PXK: variants seen among roughly 807,000 people sequenced by gnomAD.
The protein encoded by PXK is PX domain-containing protein kinase-like protein.
Under a neutral mutation model 84.7 loss-of-function variants are expected in PXK, and 35 were observed. The ratio of observed to expected loss-of-function variants is 0.41; its 90% CI spans 0.32 to 0.55. The LOEUF is 0.55. PXK is among the 20% of genes least tolerant of loss of function. The probability of loss-of-function intolerance (pLI) is 0.21; values close to 1 mark genes in which losing one functional copy is unlikely to be tolerated. For synonymous variants in PXK, 253 were observed against 260.8 expected, an observed-to-expected ratio of 0.97 and a Z score of 0.29; for missense variants, 634 against 699.7, an observed-to-expected ratio of 0.91 and a Z score of 1.06.
chr3:58,390,672 C>A lies in PXK; in HGVS notation c.466+13C>A. On this transcript the variant is annotated intron_variant, in intron 5 of 17. Transcript: ENST00000356151. The surrounding 1 kb of genome is among the most constrained non-coding windows in gnomAD (Gnocchi z 4.2). ...TTGAAAGACATAGGTGAGACATTGG[C>A]ACGCTCATTCTGTTAAAAAGACAGA... The A allele has an allele frequency of 6.2e-7, 1 of 1,605,620 alleles. No individual in the cohort carries two copies.
At chr3:58,396,921 T>C in intron 9 of PXK, 118 bp from the exon 10 acceptor site, 1 of 1,094,022 alleles carries the variant, frequency 9.1e-7, no homozygotes, top group Non-Finnish European at 1.3e-6. Flanking sequence ...TCTTCAGGAA[T>C]CTTCTCAGTG....
Position 58,409,083 on chromosome 3 carries a change from T to C in PXK, c.1308+82T>C. 1 of 1,025,678 alleles carries C rather than the reference T, an allele frequency of 9.7e-7. No homozygotes were observed. The highest frequency in any genetic ancestry group is 1.5e-6 in the Non-Finnish European group (1 of 673,466). The allele number at this position is 1,025,678 out of a possible 1,614,324, so 63.5% of individuals were successfully genotyped here. A position where few individuals can be genotyped will look rare whatever the true frequency, so the allele number is the denominator to read the frequency against. On this transcript the variant is annotated intron_variant, in intron 14 of 17. Transcript: ENST00000356151. The surrounding 1 kb of genome is among the most constrained non-coding windows in gnomAD (Gnocchi z 4.2). Reference sequence around the variant, plus strand: ...TTTATAGTGATTGACCTTTGACTGTTCCCTCTGCAAATATTTTAAGCATAC... The same window carrying C: ...TTTATAGTGATTGACCTTTGACTGTCCCCTCTGCAAATATTTTAAGCATAC...
chr3:58,394,885 C>T (rs1315368515), intron 7 of PXK, 113 bp from the exon 8 acceptor site: 15 of 705,216 alleles, frequency 2.1e-5, no homozygotes, highest in African/African-American at 5.3e-5. Flanking sequence ...TCACTACATT[C>T]GTATGCAATT....
At chr3:58,386,129 G>T (rs1379598493) in intron 4 of PXK, among the ~76,000 whole-genome samples, 2 of 152,018 alleles carry the variant, frequency 1.3e-5, no homozygotes, top group Admixed American at 1.3e-4. Context: ...CCAATCCTCA[G>T]AAAGGAAATG....
chr3:58,362,102 T>A (rs368224534), intron 1 of PXK, among the ~76,000 whole-genome samples: 1 of 152,360 alleles, frequency 6.6e-6, no homozygotes, highest in East Asian at 1.9e-4. Flanking sequence ...TATATTTTCA[T>A]GTATGCCATC....
At position 58,409,394 on chromosome 3, in the gene PXK, C is replaced by A; in HGVS notation, c.1309-138C>A. On this transcript the variant is annotated intron_variant, in intron 14 of 17. Coordinates refer to ENST00000356151, the MANE Select transcript of PXK (RefSeq NM_017771.5). This position sits in a 1 kb window ranked among gnomAD's most constrained non-coding sequence, Gnocchi z 4.2. ...CCTCTACCTGGCATCCAGACCCGAG[C>A]CAGGAAGTAGACAGCCTGAGCAAGG... is the stretch of plus-strand genomic sequence containing the variant. 2 of 812,866 alleles carry A rather than the reference C, an allele frequency of 2.5e-6. No homozygotes were observed. Among genetic ancestry groups the A allele is most frequent in the Non-Finnish European group, 4.0e-6 (2 of 496,880 alleles). 50.4% of individuals were successfully genotyped at this position (812,866 alleles called of 1,614,324 possible). A position where few individuals can be genotyped will look rare whatever the true frequency, so the allele number is the denominator to read the frequency against.
chr3:58,374,218 G>T (rs2098417504), intron 3 of PXK, among the ~76,000 whole-genome samples: 1 of 99,488 alleles, frequency 1.0e-5, no homozygotes. Flanking sequence ...TGCCCAGGCT[G>T]GAGTGCAGTG....
In PXK at chr3:58,336,814, T is replaced by C. The variant is rs183864807; in HGVS notation, c.102+3724T>C. The stretch of plus-strand genomic sequence containing the variant: ...ATAGCTTTTCATCTCAGTTTTCTCC[T>C]TTTTTTGGGGGGTGGGGGACAGAGT... On this transcript the variant is annotated intron_variant, in intron 1 of 17. Coordinates refer to ENST00000356151, the MANE Select transcript of PXK (RefSeq NM_017771.5). 5.4e-3 allele frequency among the ~76,000 whole-genome samples: 827 copies of C among 152,202 alleles called. 8 individuals are homozygous for C. Among genetic ancestry groups the C allele is most frequent in the Non-Finnish European group, 9.4e-3 (641 of 68,004 alleles).
chr3:58,383,078 G>A lies in PXK; in HGVS notation c.388+378G>A, dbSNP rs1006375451. 1.2e-4 allele frequency among the ~76,000 whole-genome samples: 18 copies of A among 152,160 alleles called. No homozygotes were observed. The highest frequency in any genetic ancestry group is 4.3e-4 in the African/African-American group (18 of 41,416). On this transcript the variant is annotated intron_variant, in intron 4 of 17. Coordinates refer to ENST00000356151, the MANE Select transcript of PXK (RefSeq NM_017771.5). The surrounding 1 kb of genome is among the most constrained non-coding windows in gnomAD (Gnocchi z 4.0). ...AGGCCAAGGCGGTTGGATCACCTGA[G>A]GTCAGGAGTTTGAGTCCAGCCTGGC...
intron 1 of PXK, among the ~76,000 whole-genome samples, chr3:58,355,602 G>T (rs1410316095): frequency 6.6e-6 from 1 of 152,216 alleles, no homozygotes; most frequent in Non-Finnish European, 1.5e-5. Flanking sequence ...CTACTGTGCA[G>T]TGAAATCCCA....
chr3:58,369,560 C>G, intron 3 of PXK, 82 bp downstream of exon 3: 1 of 1,102,304 alleles, frequency 9.1e-7, no homozygotes, highest in Non-Finnish European at 1.4e-6. Flanking sequence ...CACGGTGGCT[C>G]AACGCCTGTA....
In PXK at chr3:58,426,038, C is replaced by A. The variant is rs2062769611; in HGVS notation, c.*1078C>A. ...TGTCAAGAAAACGTGTTGTCTGTAG[C>A]TTGACAAGATATTTCAAATGAGAAC... On this transcript the variant is annotated 3_prime_UTR_variant, in exon 18 of 18. Coordinates refer to ENST00000356151, the MANE Select transcript of PXK (RefSeq NM_017771.5). The A allele has an allele frequency of 6.6e-6, 1 of 152,174 alleles. No homozygotes were observed. The highest frequency in any genetic ancestry group is 2.1e-4 in the South Asian group (1 of 4,834). The allele number at this position is 152,174 out of a possible 1,614,324, so 9.4% of individuals were successfully genotyped here.
At chr3:58,382,229 T>C (rs2098510276) in intron 3 of PXK, among the ~76,000 whole-genome samples, 1 of 152,092 alleles carries the variant, frequency 6.6e-6, no homozygotes, top group Non-Finnish European at 1.5e-5. Context: ...GGCAGGAGAA[T>C]CTCTTGAAGT....
chr3:58,390,222 T>A lies in PXK; in HGVS notation c.389-360T>A, dbSNP rs975896603. On this transcript the variant is annotated intron_variant, in intron 4 of 17. Transcript: ENST00000356151. This position sits in a 1 kb window ranked among gnomAD's most constrained non-coding sequence, Gnocchi z 4.2. ...TAAACAAAAGAAGTTGCAATGATAG[T>A]ACAGAAAATTGCCATATACTTCTCA... Among the ~76,000 whole-genome samples, 10 of 151,968 alleles carry A rather than the reference T, an allele frequency of 6.6e-5. No individual in the cohort carries two copies. The highest frequency in any genetic ancestry group is 2.4e-4 in the African/African-American group (10 of 41,370).
At chr3:58,360,228 T>C (rs1392865349) in intron 1 of PXK, among the ~76,000 whole-genome samples, 3 of 152,152 alleles carry the variant, frequency 2.0e-5, no homozygotes, top group Non-Finnish European at 4.4e-5. Flanking sequence ...TACATAATAA[T>C]TGAGCGGATA....
chr3:58,357,982 A>G, intron 1 of PXK, among the ~76,000 whole-genome samples: 1 of 152,154 alleles, frequency 6.6e-6, no homozygotes, highest in South Asian at 2.1e-4. Flanking sequence ...AAAAACAAAA[A>G]AACAAAAAAA....
Position 58,411,038 on chromosome 3 carries a change from C to T in PXK, c.1465+879C>T, listed in dbSNP as rs1392378417. ...CTATCAGTCTCAACTTTGAGGAAAC[C>T]CATGCATCTCTTCCTAGCGGTAGGA... On this transcript the variant is annotated intron_variant, in intron 16 of 17. Transcript: ENST00000356151. The surrounding 1 kb of genome is among the most constrained non-coding windows in gnomAD (Gnocchi z 4.2). 2.0e-5 allele frequency among the ~76,000 whole-genome samples: 3 copies of T among 152,128 alleles called. No homozygotes were observed. The highest frequency in any genetic ancestry group is 7.2e-5 in the African/African-American group (3 of 41,404).
intron 12 of PXK, 80 bp from the exon 13 acceptor site, chr3:58,403,782 G>A: frequency 1.2e-6 from 1 of 839,390 alleles, no homozygotes; most frequent in Non-Finnish European, 1.8e-6. Flanking sequence ...ATGGGCTAAA[G>A]GTGTCTTAAT....
At position 58,421,079 on chromosome 3, in the gene PXK, G is replaced by A. The variant is rs554939597; in HGVS notation, c.1529-3673G>A. The A allele has an allele frequency of 1.7e-5, 17 of 992,924 alleles. No homozygotes were observed. In the East Asian group the frequency reaches 1.8e-3, roughly 103 times the overall value. 61.5% of individuals were successfully genotyped at this position (992,924 alleles called of 1,614,324 possible). On this transcript the variant is annotated intron_variant, in intron 17 of 17. Transcript: ENST00000356151. The surrounding 1 kb of genome is among the most constrained non-coding windows in gnomAD (Gnocchi z 5.5). ...TGACAGGAGTACAGCCTCCTCACCT[G>A]CCTGAAGCCAAAGGAGAAGGTGGTT...
Sources: allele counts gnomAD v4.1 joint callset (sites outside exome capture counted in the v4.1 genomes callset), GRCh38; gene constraint gnomAD v4.1.1; non-coding constraint Gnocchi (gnomAD v3.1); transcripts MANE v1.5; gene names NCBI Gene and HGNC (gene_info 2026-07-23, HGNC 2026-07-21).